SLC4A8: variants seen among roughly 807,000 people sequenced by gnomAD.
SLC4A8 encodes the protein solute carrier family 4 member 8, also known as electroneutral sodium bicarbonate exchanger 1.
A neutral mutation model predicts 125.0 loss-of-function variants in SLC4A8; 40 were observed. The observed-to-expected ratio is 0.32, with a 90% CI of 0.25 to 0.42. The LOEUF (loss-of-function observed/expected upper bound fraction) is 0.42, where lower values mean the gene tolerates loss of function less well. SLC4A8 is among the 10% of genes least tolerant of loss of function. The probability of loss-of-function intolerance (pLI) is 1.00; values close to 1 mark genes in which losing one functional copy is unlikely to be tolerated. For synonymous variants in SLC4A8, 456 were observed against 476.0 expected (o/e 0.96, Z 0.55); for missense variants, 863 against 1,355.1 (o/e 0.64, Z 5.70).
At position 51,515,426 on chromosome 12, in the gene SLC4A8, T is replaced by C. The variant is rs1457316645; in HGVS notation, c.*7988T>C. On this transcript the variant is annotated 3_prime_UTR_variant, in exon 25 of 25. Coordinates refer to ENST00000453097, the MANE Select transcript of SLC4A8 (RefSeq NM_001039960.3). Reference sequence around the variant, plus strand: ...GGAGACAATTCGAGGTGCTGGTACATTTCCCTTGTTTTCTATGTTCTTCTT... The same window carrying C: ...GGAGACAATTCGAGGTGCTGGTACACTTCCCTTGTTTTCTATGTTCTTCTT... 1.3e-5 allele frequency: 2 copies of C among 152,224 alleles called. No homozygotes were observed. The highest frequency in any genetic ancestry group is 1.5e-5 in the Non-Finnish European group (1 of 68,044). The allele number at this position is 152,224 out of a possible 1,614,324, so 9.4% of individuals were successfully genotyped here.
In SLC4A8 at chr12:51,425,006, A is replaced by G; in HGVS notation, c.19A>G (p.Asn7Asp). ...CTCCGCCATGCCGGCCGCCGGGAGT[A>G]ACGAGCCGGACGGCGTCCTCAGCTA... is the stretch of plus-strand genomic sequence containing the variant. MPAAGS[N>D]EPDGVLSYQR... The change falls in exon 1 of 25, where the codon AAC becomes GAC. Residue 7 changes from asparagine to aspartate, a missense_variant. Asn to Asp is a conservative substitution (Grantham distance 23). Around this residue, in one of 6 missense-constraint regions of SLC4A8, gnomAD observed 104 missense variants for 116.4 expected, o/e 0.89. Transcript: ENST00000453097. The G allele has an allele frequency of 6.4e-7, 1 of 1,556,430 alleles. No homozygotes were observed.
chr12:51,477,002 G>T (rs1301943980), intron 16 of SLC4A8, among the ~76,000 whole-genome samples: 1 of 151,078 alleles, frequency 6.6e-6, no homozygotes, highest in African/African-American at 2.4e-5. Flanking sequence ...CTGCCTCCCG[G>T]GTTCAAGTGG....
chr12:51,503,444 T>A (rs535104826), intron 22 of SLC4A8, among the ~76,000 whole-genome samples: 1 of 146,636 alleles, frequency 6.8e-6, no homozygotes, highest in South Asian at 2.2e-4. Context: ...ATCTCCTGAC[T>A]TCATGATCTG....
At position 51,471,519 on chromosome 12, in the gene SLC4A8, C is replaced by T; in HGVS notation, c.1891C>T (p.Leu631Phe). 1 of 1,613,768 alleles carries T rather than the reference C, an allele frequency of 6.2e-7. No individual in the cohort carries two copies. Among genetic ancestry groups the T allele is most frequent in the East Asian group, 2.2e-5 (1 of 44,892 alleles). ...PIHMHSQLDH[L>F]SLYYCRCTLP... The stretch of plus-strand genomic sequence containing the variant: ...CCACATGCACAGCCAGCTGGACCAC[C>T]TTAGCCTCTATTAGTAAGTGTGCTT... The change falls in exon 14 of 25, where the codon CTT (leucine) becomes TTT (phenylalanine). Residue 631 changes from leucine to phenylalanine, a missense_variant. By Grantham distance (22) the Leu-to-Phe change is conservative. Around this residue, in one of 6 missense-constraint regions of SLC4A8, gnomAD observed 76 missense variants for 80.2 expected, o/e 0.95. Coordinates refer to ENST00000453097, the MANE Select transcript of SLC4A8 (RefSeq NM_001039960.3).
intron 1 of SLC4A8, among the ~76,000 whole-genome samples, chr12:51,411,339 G>A (rs1948594412): frequency 6.6e-6 from 1 of 152,016 alleles, no homozygotes; most frequent in Admixed American, 6.6e-5. Flanking sequence ...TGTAATCCCA[G>A]CACTTTGGGA....
chr12:51,471,247 A>T, intron 13 of SLC4A8, 40 bp from the exon 14 acceptor site: 1 of 1,587,612 alleles, frequency 6.3e-7, no homozygotes. Flanking sequence ...TCTTAATGCC[A>T]TCCATCCATG....
upstream of SLC4A8, among the ~76,000 whole-genome samples, chr12:51,424,054 C>CAAAAAAAAAAAAAAAAAAAAAAA (rs1334821004): frequency 1.6e-4 from 12 of 77,390 alleles, no homozygotes; most frequent in African/African-American, 1.9e-4. Flanking sequence ...AAAAAAAAAA[C>CAAAAAAAAAAAAAAAAAAAAAAA]AAAAAAAACA....
At chr12:51,485,626 G>A (rs1951144074) in intron 16 of SLC4A8, among the ~76,000 whole-genome samples, 161 bp from the exon 17 acceptor site, 1 of 152,172 alleles carries the variant, frequency 6.6e-6, no homozygotes. Context: ...ATGAGCATCA[G>A]TTGGGCAATT....
At chr12:51,455,937 G>A (rs1950135374) in intron 5 of SLC4A8, among the ~76,000 whole-genome samples, 1 of 152,140 alleles carries the variant, frequency 6.6e-6, no homozygotes, top group Non-Finnish European at 1.5e-5. Context: ...AGAATCCCTG[G>A]GAGCTATTGA....
upstream of SLC4A8, among the ~76,000 whole-genome samples, chr12:51,421,434 G>A (rs1206050324): frequency 6.6e-6 from 1 of 152,216 alleles, no homozygotes; most frequent in African/African-American, 2.4e-5. Context: ...ACTTCCTTTT[G>A]TAATTTGCAC....
At chr12:51,496,223 AATGT>A (rs998750207) in intron 21 of SLC4A8, among the ~76,000 whole-genome samples, 1 of 152,212 alleles carries the variant, frequency 6.6e-6, no homozygotes, top group Admixed American at 6.5e-5. Flanking sequence ...ATTAGAGAGA[AATGT>A]ACTTGAATTT....
intron 2 of SLC4A8, among the ~76,000 whole-genome samples, chr12:51,443,501 T>C (rs1949666142): frequency 6.6e-6 from 1 of 152,182 alleles, no homozygotes; most frequent in Non-Finnish European, 1.5e-5. Context: ...TAGTCCATGA[T>C]GTGCTTCAGT....
intron 5 of SLC4A8, among the ~76,000 whole-genome samples, chr12:51,456,792 G>A (rs1950164553): frequency 6.6e-6 from 1 of 152,170 alleles, no homozygotes; most frequent in Non-Finnish European, 1.5e-5. Flanking sequence ...GGCTTGATAG[G>A]TTTAAATGTG....
At chr12:51,483,612 AT>A (rs34550033) in intron 16 of SLC4A8, among the ~76,000 whole-genome samples, 51 of 151,558 alleles carry the variant, frequency 3.4e-4, no homozygotes, top group South Asian at 3.3e-3. Flanking sequence ...AATAAATGGC[AT>A]TTTTTTTGCC....
intron 15 of SLC4A8, 104 bp from the exon 16 acceptor site, chr12:51,474,941 G>C: frequency 9.3e-7 from 1 of 1,071,078 alleles, no homozygotes; most frequent in East Asian, 2.5e-5. Flanking sequence ...TGCAGCCTCT[G>C]CTCCCAACAA....
intron 1 of SLC4A8, among the ~76,000 whole-genome samples, chr12:51,431,493 T>G (rs1416328922): frequency 5.9e-5 from 9 of 152,122 alleles, no homozygotes; most frequent in Non-Finnish European, 8.8e-5. Context: ...TTTTGGAATT[T>G]TAGGCCCCTA....
Position 51,470,398 on chromosome 12 carries a change from A to G in SLC4A8, c.1531A>G (p.Ile511Val), listed in dbSNP as rs1950657314. 1.9e-6 allele frequency: 3 copies of G among 1,614,058 alleles called. No individual in the cohort carries two copies. Among genetic ancestry groups the G allele is most frequent in the East Asian group, 2.2e-5 (1 of 44,874 alleles). ...TGACTTTTTTTCCTCTCAGAGTGCA[A>G]TTGAATCCTTGTTTGGAGCTTCCAT... ...GEATEGRISA[I>V]ESLFGASMTG... Residue 511 changes from isoleucine to valine, a missense_variant, in exon 13 of 25, where the codon ATT becomes GTT. This residue lies in a region of SLC4A8 where 390 missense variants were observed against 634.4 expected (regional missense o/e 0.61). Transcript: ENST00000453097.
At chr12:51,485,002 C>T (rs1478594690) in intron 16 of SLC4A8, among the ~76,000 whole-genome samples, 1 of 151,914 alleles carries the variant, frequency 6.6e-6, no homozygotes, top group Non-Finnish European at 1.5e-5. Flanking sequence ...GTACAAATAC[C>T]CCGAGGTGGG....
chr12:51,495,604 T>C (rs1040917658), intron 21 of SLC4A8, among the ~76,000 whole-genome samples: 1 of 150,138 alleles, frequency 6.7e-6, no homozygotes, highest in African/African-American at 2.4e-5. Context: ...GCCTCCCTAA[T>C]AGCTGGGATT....
Sources: gnomAD v4.1 joint callset for allele counts (sites outside exome capture counted in the v4.1 genomes callset) on GRCh38, gnomAD v4.1.1 for gene constraint, gnomAD v4.1.1 regional missense constraint, MANE v1.5 for transcripts, NCBI Gene and HGNC (gene_info 2026-07-23, HGNC 2026-07-21) for gene names.